DOCK8: variants seen among roughly 807,000 people sequenced by gnomAD.
The protein encoded by DOCK8 is dedicator of cytokinesis 8.
Under a neutral mutation model 245.6 loss-of-function variants are expected in DOCK8, and 141 were observed. That is an observed-to-expected ratio of 0.57 (90% CI 0.50 to 0.66). The LOEUF (loss-of-function observed/expected upper bound fraction) is 0.66. DOCK8 is among the 30% of genes least tolerant of loss of function. The pLI is 0.00. For synonymous variants in DOCK8, 1,168 were observed against 970.2 expected (o/e 1.20, Z -3.79); for missense variants, 2,965 against 2,603.4 (o/e 1.14, Z -3.02).
intron 15 of DOCK8, 124 bp from the exon 16 acceptor site, chr9:370,106 C>G: frequency 1.2e-6 from 1 of 857,110 alleles, no homozygotes; most frequent in Non-Finnish European, 2.0e-6. Context: ...CCTGGCCAAC[C>G]CAGCACTCTT....
intron 7 of DOCK8, among the ~76,000 whole-genome samples, chr9:322,768 C>G (rs1422318121): frequency 6.6e-6 from 1 of 152,102 alleles, no homozygotes. Flanking sequence ...TTGAGCATGC[C>G]AGGCAGCAGC....
chr9:275,349 G>T (rs1284781262), intron 2 of DOCK8, among the ~76,000 whole-genome samples: 1 of 152,138 alleles, frequency 6.6e-6, no homozygotes, highest in East Asian at 1.9e-4. Flanking sequence ...AAAAGTGGCA[G>T]GTGTTTAGAA....
At chr9:341,246 T>G (rs972919185) in intron 14 of DOCK8, among the ~76,000 whole-genome samples, 2 of 152,212 alleles carry the variant, frequency 1.3e-5, no homozygotes, top group African/African-American at 4.8e-5. Flanking sequence ...AGTATGGAGC[T>G]AGACACTGAA....
chr9:440,734 GTTTTGT>G (rs546610194), intron 40 of DOCK8, among the ~76,000 whole-genome samples: 4 of 152,080 alleles, frequency 2.6e-5, no homozygotes, highest in East Asian at 1.9e-4. Flanking sequence ...TTTTCGTTTT[GTTTTGT>G]TTTTGTTTTT....
intron 2 of DOCK8, among the ~76,000 whole-genome samples, chr9:285,872 C>G (rs1015629711): frequency 1.3e-5 from 2 of 152,170 alleles, no homozygotes; most frequent in African/African-American, 4.8e-5. Flanking sequence ...CAGACCAGCA[C>G]CAGTCGCCCC....
intron 38 of DOCK8, among the ~76,000 whole-genome samples, chr9:434,266 G>A (rs942289860): frequency 6.6e-6 from 1 of 152,014 alleles, no homozygotes; most frequent in Non-Finnish European, 1.5e-5. Flanking sequence ...ATAATTAACT[G>A]TTATAGGAAT....
intron 24 of DOCK8, among the ~76,000 whole-genome samples, chr9:392,627 G>T (rs936179686): frequency 6.6e-6 from 1 of 152,112 alleles, no homozygotes; most frequent in Non-Finnish European, 1.5e-5. Context: ...AGAGCTACAG[G>T]TCTTTTGGAA....
chr9:398,422 T>C (rs902955281), intron 25 of DOCK8, among the ~76,000 whole-genome samples: 2 of 152,210 alleles, frequency 1.3e-5, no homozygotes, highest in Non-Finnish European at 2.9e-5. Context: ...ATATTTTTAA[T>C]AGTGTCAAAG....
intron 26 of DOCK8, among the ~76,000 whole-genome samples, chr9:401,898 C>G (rs944373277): frequency 6.6e-6 from 1 of 152,164 alleles, no homozygotes; most frequent in African/African-American, 2.4e-5. Flanking sequence ...CAGAAGTCCC[C>G]AAGCATCCCC....
chr9:301,764 A>C (rs2130549625), intron 4 of DOCK8, among the ~76,000 whole-genome samples: 1 of 152,362 alleles, frequency 6.6e-6, no homozygotes, highest in African/African-American at 2.4e-5. Flanking sequence ...CTTTTGAATA[A>C]AATACCTAGG....
At chr9:332,736 C>T (rs569008714) in intron 10 of DOCK8, among the ~76,000 whole-genome samples, 7 of 136,942 alleles carry the variant, frequency 5.1e-5, no homozygotes, top group Non-Finnish European at 1.1e-4. Flanking sequence ...CGGCCCCCTA[C>T]AACCTTGAAC....
intron 14 of DOCK8, among the ~76,000 whole-genome samples, chr9:357,431 A>G (rs1331439502): frequency 6.6e-6 from 1 of 152,206 alleles, no homozygotes; most frequent in African/African-American, 2.4e-5. Context: ...AAGAGACATT[A>G]AGACTGGCTA....
At chr9:389,832 T>G (rs1456046264) in intron 23 of DOCK8, among the ~76,000 whole-genome samples, 1 of 151,502 alleles carries the variant, frequency 6.6e-6, no homozygotes, top group East Asian at 1.9e-4. Context: ...GTGGGCAGCA[T>G]GGCGAAACCC....
chr9:229,268 C>G (rs1023974155), intron 1 of DOCK8, among the ~76,000 whole-genome samples: 5 of 152,270 alleles, frequency 3.3e-5, no homozygotes, highest in African/African-American at 1.2e-4. Flanking sequence ...TTGTCTTTCC[C>G]TACGTATATC....
rs1327027659 is a variant in DOCK8 at position 439,259 on chromosome 9, T to C, written c.5094T>C (p.Asn1698=). The part of the protein sequence containing the change: ...GSVSFQNISS[N]VLEESVVSED... ...GTCTCTTTCAGAATATTTCTTCCAATGTGCTGGAGGAGTCTGTGGTCTCTG... is the reference window on the plus strand; with the variant it reads ...GTCTCTTTCAGAATATTTCTTCCAACGTGCTGGAGGAGTCTGTGGTCTCTG... Residue 1698 remains asparagine, a synonymous_variant, in exon 40 of 48, where the codon AAT becomes AAC. Coordinates refer to ENST00000432829, the MANE Select transcript of DOCK8 (RefSeq NM_203447.4). The C allele has an allele frequency of 6.2e-7, 1 of 1,614,202 alleles. No homozygotes were observed. The highest frequency in any genetic ancestry group is 2.2e-5 in the East Asian group (1 of 44,884).
At chr9:427,569 T>A (rs2056547823) in intron 34 of DOCK8, among the ~76,000 whole-genome samples, 1 of 152,222 alleles carries the variant, frequency 6.6e-6, no homozygotes, top group African/African-American at 2.4e-5. Context: ...TCCCAAGCTG[T>A]CTAGGTAATA....
rs747316210 is a variant in DOCK8 at position 390,689 on chromosome 9, T to C, written c.2970+123T>C. On this transcript the variant is annotated intron_variant, in intron 24 of 47. Transcript: ENST00000432829. ...AAACCTGGGGTGGTTTCTTGAAATC[T>C]AATAATCTCTCACCCCTCCCATCCT... The C allele has an allele frequency of 1.3e-5, 11 of 851,620 alleles. No homozygotes were observed. In the African/African-American group the frequency reaches 1.5e-4, roughly 12 times the overall value. The allele number at this position is 851,620 out of a possible 1,614,324, so 52.8% of individuals were successfully genotyped here. A position where few individuals can be genotyped will look rare whatever the true frequency, so the allele number is the denominator to read the frequency against.
chr9:351,374 A>G (rs7019004), intron 14 of DOCK8, among the ~76,000 whole-genome samples: 2,699 of 152,296 alleles, frequency 0.018, 85 homozygotes, highest in African/African-American at 0.061. Context: ...AACACAAATC[A>G]TGGCTGGAAA....
intron 26 of DOCK8, among the ~76,000 whole-genome samples, chr9:400,698 CCACCACCACCTCCACCAT>C (rs1564015005): frequency 9.8e-4 from 68 of 69,236 alleles, no homozygotes; most frequent in South Asian, 2.2e-3. Context: ...ACCTCCACCA[CCACCACCACCTCCACCAT>C]CACCACCACC....
Sources: gnomAD v4.1 joint callset for allele counts (sites outside exome capture counted in the v4.1 genomes callset) on GRCh38, gnomAD v4.1.1 for gene constraint, MANE v1.5 for transcripts, NCBI Gene and HGNC (gene_info 2026-07-23, HGNC 2026-07-21) for gene names.